The following EIPR1 variants were observed in gnomAD, a reference collection of about 807,000 sequenced individuals.
The protein encoded by EIPR1 is EARP complex and GARP complex interacting protein 1, also known as EARP and GARP complex-interacting protein 1.
EIPR1 carries 25 observed loss-of-function variants against 48.1 expected under a neutral mutation model. The ratio of observed to expected loss-of-function variants is 0.52; its 90% CI spans 0.38 to 0.73. EIPR1 has a LOEUF of 0.73. Among genes scored for constraint, EIPR1 ranks in the 30% least tolerant of loss-of-function variants. EIPR1 has a pLI of 0.00. For synonymous variants in EIPR1, 204 were observed against 201.9 expected (o/e 1.01, Z -0.09); for missense variants, 415 against 506.2 (o/e 0.82, Z 1.73).
At chr2:3,295,598 T>C (rs1200722427) in intron 3 of EIPR1, among the ~76,000 whole-genome samples, 2 of 62,712 alleles carry the variant, frequency 3.2e-5, no homozygotes, top group Non-Finnish European at 6.1e-5. Context: ...CCCTCCTCTC[T>C]CTGCACACCC....
rs555264377 is a variant in EIPR1 at position 3,296,319 on chromosome 2, C to T, written c.260-38864G>A. Among the ~76,000 whole-genome samples the T allele has an allele frequency of 1.4e-3, 198 of 137,618 alleles. 2 individuals carry two copies. The highest frequency in any genetic ancestry group is 5.3e-3 in the African/African-American group (191 of 35,710). The allele number at this position is 137,618 out of a possible 152,430, so 90.3% of individuals were successfully genotyped here. ...CCATCCAGCCCATCCTCTCTACACA[C>T]ACACACCCTCCATCCAGCCCGTTCT... On this transcript the variant is annotated intron_variant, in intron 3 of 8. Transcript: ENST00000382125.
rs551040732 is a variant in EIPR1 at position 3,335,390 on chromosome 2, CA to C, written c.259+2626del. ...AAAAGCAGAGCTTGCCTGGAATATCCAGGGTGCAGAAAGGCCATGCCCTGCA... is the reference window on the plus strand; with the variant it reads ...AAAAGCAGAGCTTGCCTGGAATATCCGGGTGCAGAAAGGCCATGCCCTGCA... On this transcript the variant is annotated intron_variant, in intron 3 of 8. Coordinates refer to ENST00000382125, the MANE Select transcript of EIPR1 (RefSeq NM_003310.5). Among the ~76,000 whole-genome samples, 291 of 152,146 alleles carry C rather than the reference CA, an allele frequency of 1.9e-3. 1 individual carries two copies. The highest frequency in any genetic ancestry group is 3.0e-3 in the Non-Finnish European group (201 of 68,000).
intron 3 of EIPR1, among the ~76,000 whole-genome samples, chr2:3,282,181 CT>C (rs1668033583): frequency 6.6e-6 from 1 of 152,238 alleles, no homozygotes; most frequent in Admixed American, 6.5e-5. Context: ...AGTCAGCTCC[CT>C]GCTGGGTTGG....
At chr2:3,237,072 G>A (rs906453896) in intron 4 of EIPR1, among the ~76,000 whole-genome samples, 6 of 152,248 alleles carry the variant, frequency 3.9e-5, no homozygotes, top group Non-Finnish European at 5.9e-5. Flanking sequence ...ACACAAAGAC[G>A]CACCCAGGGA....
At chr2:3,377,586 G>A in intron 1 of EIPR1, 62 bp downstream of exon 1, 1 of 1,547,624 alleles carries the variant, frequency 6.5e-7, no homozygotes, top group Non-Finnish European at 8.7e-7. Context: ...AAGTCACCAT[G>A]GGACCGCGCA....
chr2:3,341,382 A>G (rs1670242565), intron 2 of EIPR1, among the ~76,000 whole-genome samples: 1 of 152,198 alleles, frequency 6.6e-6, no homozygotes, highest in African/African-American at 2.4e-5. Context: ...TGGCAGTGAC[A>G]CGGGTGCACG....
At chr2:3,352,649 C>T (rs1670614110) in intron 2 of EIPR1, among the ~76,000 whole-genome samples, 1 of 152,194 alleles carries the variant, frequency 6.6e-6, no homozygotes, top group African/African-American at 2.4e-5. Flanking sequence ...CTATGTCATT[C>T]CCCTCACTTC....
Position 3,341,114 on chromosome 2 carries a change from A to C in EIPR1, c.127-2965T>G, listed in dbSNP as rs565060833. ...CTGTCTCAAAAAAAAAAAAAAAAAA[A>C]AAAAAACAAAACAAAACTCCACAAT... On this transcript the variant is annotated intron_variant, in intron 2 of 8. Coordinates refer to ENST00000382125, the MANE Select transcript of EIPR1 (RefSeq NM_003310.5). Among the ~76,000 whole-genome samples the C allele has an allele frequency of 1.3e-4, 19 of 148,982 alleles. No individual in the cohort carries two copies. In the East Asian group the frequency reaches 2.0e-3, roughly 16 times the overall value.
chr2:3,199,178 G>A (rs1177418576), intron 5 of EIPR1, among the ~76,000 whole-genome samples: 2 of 151,486 alleles, frequency 1.3e-5, no homozygotes, highest in African/African-American at 4.9e-5. Flanking sequence ...AGAGAAATAT[G>A]GCTCTGTTCC....
intron 4 of EIPR1, among the ~76,000 whole-genome samples, chr2:3,225,370 C>G (rs1471238215): frequency 6.6e-6 from 1 of 151,926 alleles, no homozygotes. Flanking sequence ...CTCAGCCTCT[C>G]AAGTAGCTGG....
intron 2 of EIPR1, 89 bp from the exon 3 acceptor site, chr2:3,338,238 T>G: frequency 6.8e-7 from 1 of 1,473,414 alleles, no homozygotes; most frequent in South Asian, 1.2e-5. Context: ...AATAGTCACA[T>G]GCACATTTCG....
chr2:3,347,599 A>G (rs1670442644), intron 2 of EIPR1, among the ~76,000 whole-genome samples: 1 of 152,220 alleles, frequency 6.6e-6, no homozygotes, highest in Non-Finnish European at 1.5e-5. Flanking sequence ...TATCAGCAGC[A>G]TGAAAACAGA....
At chr2:3,284,258 G>A (rs553565216) in intron 3 of EIPR1, among the ~76,000 whole-genome samples, 2 of 119,352 alleles carry the variant, frequency 1.7e-5, no homozygotes, top group African/African-American at 6.6e-5. Flanking sequence ...ACGGCTGCAC[G>A]TAAGCTGGGC....
chr2:3,373,261 C>T (rs1379873420), intron 1 of EIPR1, among the ~76,000 whole-genome samples: 1 of 151,318 alleles, frequency 6.6e-6, no homozygotes, highest in African/African-American at 2.4e-5. Flanking sequence ...ATGACAAACC[C>T]ACAGCCAATA....
intron 2 of EIPR1, chr2:3,353,362 C>G: frequency 4.3e-6 from 2 of 465,820 alleles, no homozygotes; most frequent in South Asian, 3.1e-5. Flanking sequence ...CTTTTTTACA[C>G]CACGTTGATC....
chr2:3,334,381 G>A (rs1261132919), intron 3 of EIPR1, among the ~76,000 whole-genome samples: 1 of 152,242 alleles, frequency 6.6e-6, no homozygotes, highest in African/African-American at 2.4e-5. Context: ...TGATTTACAG[G>A]TGAGCTAAGG....
At chr2:3,256,593 T>G (rs966756094) in intron 4 of EIPR1, among the ~76,000 whole-genome samples, 1 of 152,220 alleles carries the variant, frequency 6.6e-6, no homozygotes, top group African/African-American at 2.4e-5. Flanking sequence ...CACGCACATG[T>G]GTATGTGTTA....
intron 3 of EIPR1, among the ~76,000 whole-genome samples, chr2:3,318,472 G>A (rs1233611483): frequency 6.6e-6 from 1 of 152,186 alleles, no homozygotes; most frequent in East Asian, 1.9e-4. Context: ...GAATTTGGAG[G>A]TGCTACAGAA....
intron 3 of EIPR1, among the ~76,000 whole-genome samples, chr2:3,324,176 T>C (rs1669620652): frequency 6.6e-6 from 1 of 152,000 alleles, no homozygotes; most frequent in Non-Finnish European, 1.5e-5. Flanking sequence ...CAGGAGCACC[T>C]CCTCCCCAGG....
Sources: allele counts gnomAD v4.1 joint callset (sites outside exome capture counted in the v4.1 genomes callset), GRCh38; gene constraint gnomAD v4.1.1; transcripts MANE v1.5; gene names NCBI Gene and HGNC (gene_info 2026-07-23, HGNC 2026-07-21).